Variants in KDM5A observed in about 807,000 individuals in gnomAD.
KDM5A encodes the protein lysine-specific demethylase 5A.
Under a neutral mutation model 193.5 loss-of-function variants are expected in KDM5A, and 42 were observed. That is an observed-to-expected ratio of 0.22 (90% confidence interval 0.17 to 0.28). The LOEUF is 0.28. KDM5A is among the 10% of genes least tolerant of loss of function. The pLI is 1.00. For synonymous variants in KDM5A, 796 were observed against 718.1 expected (o/e 1.11, Z -1.73); for missense variants, 1,692 against 2,055.1 (o/e 0.82, Z 3.42).
chr12:304,687 A>G (rs78676651), intron 24 of KDM5A, among the ~76,000 whole-genome samples: 2,728 of 152,234 alleles, frequency 0.018, 35 homozygotes, highest in South Asian at 0.04. Flanking sequence ...TCTCATATAA[A>G]TTCCTCCACA....
Position 388,948 on chromosome 12 carries a change from G to T in KDM5A, c.144C>A (p.Ile48=). 6.2e-7 allele frequency: 1 copy of T among 1,614,232 alleles called. No individual in the cohort carries two copies. Among genetic ancestry groups the T allele is most frequent in the Non-Finnish European group, 8.5e-7 (1 of 1,180,046 alleles). The part of the protein sequence containing the change: ...RIRPLAEKTG[I]CKIRPPKDWQ... The stretch of plus-strand genomic sequence containing the variant: ...GTACCTTGGGCGGCCGAATTTTGCA[G>T]ATGCCGGTTTTCTCCGCCAAAGGCC... Residue 48 remains isoleucine (I), a synonymous_variant, in exon 1 of 28, where the codon ATC becomes ATA. Transcript: ENST00000399788.
intron 1 of KDM5A, 82 bp from the exon 2 acceptor site, chr12:386,056 G>A: frequency 2.0e-6 from 2 of 1,005,954 alleles, no homozygotes; most frequent in South Asian, 2.6e-5. Context: ...GGGGGGTTTT[G>A]CCACAAATCA....
chr12:386,864 G>GTACC (rs1321155339), intron 1 of KDM5A, among the ~76,000 whole-genome samples: 3 of 151,162 alleles, frequency 2.0e-5, no homozygotes. Context: ...ATGAGGTCAT[G>GTACC]TACCACAAAA....
rs118113475 is a variant in KDM5A at position 388,492 on chromosome 12, C to T, written c.165+435G>A. The stretch of plus-strand genomic sequence containing the variant: ...GTAATACCATCCGGTGAGACTAGAG[C>T]TCAGATAACCTTTTCAGAAACCCTA... On this transcript the variant is annotated intron_variant, in intron 1 of 27. Coordinates refer to ENST00000399788, the MANE Select transcript of KDM5A (RefSeq NM_001042603.3). 552 of 361,092 alleles carry T rather than the reference C, an allele frequency of 1.5e-3. 1 individual carries two copies. The highest frequency in any genetic ancestry group is 2.3e-3 in the Non-Finnish European group (429 of 184,078). 22.4% of individuals were successfully genotyped at this position (361,092 alleles called of 1,614,324 possible).
intron 3 of KDM5A, among the ~76,000 whole-genome samples, chr12:381,619 A>G (rs982983164): frequency 7.9e-5 from 12 of 152,120 alleles, no homozygotes; most frequent in African/African-American, 2.4e-4. Flanking sequence ...CTTTAGTACC[A>G]TAGGTTTTCA....
Position 356,635 on chromosome 12 carries a change from G to A in KDM5A, c.673-98C>T, listed in dbSNP as rs148152396. ...TTTCAGAATCCTCTTCAACACGGAAGAACAAATTATTGGATTTCTTTTCTG... is the reference window on the plus strand; with the variant it reads ...TTTCAGAATCCTCTTCAACACGGAAAAACAAATTATTGGATTTCTTTTCTG... On this transcript the variant is annotated intron_variant, in intron 5 of 27. Coordinates refer to ENST00000399788, the MANE Select transcript of KDM5A (RefSeq NM_001042603.3). 2.4e-5 allele frequency: 18 copies of A among 764,998 alleles called. 1 individual carries two copies. In the African/African-American group the frequency reaches 2.4e-4, roughly 10 times the overall value. 47.4% of individuals were successfully genotyped at this position (764,998 alleles called of 1,614,324 possible). A position where few individuals can be genotyped will look rare whatever the true frequency, so the allele number is the denominator to read the frequency against.
At chr12:286,841 C>T (rs189573665) in intron 27 of KDM5A, among the ~76,000 whole-genome samples, 50 of 152,208 alleles carry the variant, frequency 3.3e-4, no homozygotes, top group African/African-American at 1.1e-3. Flanking sequence ...AAATGATATT[C>T]TACTTGTTTT....
chr12:321,232 A>C (rs967294814), intron 17 of KDM5A, 123 bp from the exon 18 acceptor site: 32 of 730,566 alleles, frequency 4.4e-5, no homozygotes, highest in South Asian at 4.0e-4. Flanking sequence ...TTGAAGGATA[A>C]CACCACAATG....
intron 11 of KDM5A, 127 bp downstream of exon 11, chr12:334,114 A>G (rs1267395563): frequency 1.2e-6 from 1 of 867,768 alleles, no homozygotes. Context: ...GAAATAGGCC[A>G]AGGCTAGAAA....
At chr12:304,464 T>TTC (rs1219049196) in intron 24 of KDM5A, among the ~76,000 whole-genome samples, 6 of 142,572 alleles carry the variant, frequency 4.2e-5, no homozygotes, top group African/African-American at 1.5e-4. Context: ...TTTTTTTTTT[T>TTC]TTCATTCAAA....
intron 10 of KDM5A, among the ~76,000 whole-genome samples, chr12:348,338 T>C (rs938222135): frequency 5.3e-5 from 8 of 152,258 alleles, no homozygotes; most frequent in Admixed American, 5.2e-4. Context: ...TCAACCATTG[T>C]GGAAGTCAGT....
chr12:298,610 C>G (rs1424811174), intron 24 of KDM5A, among the ~76,000 whole-genome samples: 1 of 152,152 alleles, frequency 6.6e-6, no homozygotes, highest in Non-Finnish European at 1.5e-5. Context: ...TACAAAAAGG[C>G]TGAACATTCC....
chr12:329,115 T>C (rs1290324370), intron 13 of KDM5A, 86 bp from the exon 14 acceptor site: 29 of 1,079,952 alleles, frequency 2.7e-5, no homozygotes, highest in South Asian at 1.7e-4. Context: ...TCCTCCCTTT[T>C]ATTAGAAAGA....
chr12:299,822 G>A (rs140702336), intron 24 of KDM5A, among the ~76,000 whole-genome samples: 16 of 152,012 alleles, frequency 1.1e-4, no homozygotes, highest in African/African-American at 3.9e-4. Flanking sequence ...GACGCACATA[G>A]GCTCAAAATA....
chr12:346,060 T>A (rs555639823), intron 10 of KDM5A, among the ~76,000 whole-genome samples: 1 of 151,682 alleles, frequency 6.6e-6, no homozygotes, highest in African/African-American at 2.4e-5. Context: ...ATCAAATAGA[T>A]GCAATAAAAA....
chr12:307,289 C>T lies in KDM5A; in HGVS notation c.3930+165G>A, dbSNP rs892120805. On this transcript the variant is annotated intron_variant, in intron 23 of 27. Transcript: ENST00000399788. The surrounding 1 kb of genome is among the most constrained non-coding windows in gnomAD (Gnocchi z 4.3). ...ATTACCAAGAATATTTCACTAAGTA[C>T]GTATCCAAAAAAAGTGCTATAGTGT... is the stretch of plus-strand genomic sequence containing the variant. 6.6e-6 allele frequency among the ~76,000 whole-genome samples: 1 copy of T among 152,016 alleles called. No homozygotes were observed. The highest frequency in any genetic ancestry group is 1.5e-5 in the Non-Finnish European group (1 of 68,006).
chr12:289,907 C>CTTTTTTTTATTTTTTTTTT (rs1943270109), intron 27 of KDM5A, among the ~76,000 whole-genome samples: 1 of 99,658 alleles, frequency 1.0e-5, no homozygotes, highest in Non-Finnish European at 1.9e-5. Context: ...TTCTTTCTTT[C>CTTTTTTTTATTTTTTTTTT]TTTTTTTTTT....
intron 3 of KDM5A, among the ~76,000 whole-genome samples, chr12:368,666 A>T (rs1359746018): frequency 6.6e-6 from 1 of 152,144 alleles, no homozygotes; most frequent in Non-Finnish European, 1.5e-5. Context: ...CGGGAGGAGG[A>T]GGTTGCAGTG....
At chr12:388,601 C>T (rs925955013) in intron 1 of KDM5A, 1 of 417,720 alleles carries the variant, frequency 2.4e-6, no homozygotes, top group South Asian at 2.1e-5. Flanking sequence ...AATGAGGATA[C>T]GTGAGGGAAG....
Sources: allele counts gnomAD v4.1 joint callset (sites outside exome capture counted in the v4.1 genomes callset), GRCh38; gene constraint gnomAD v4.1.1; non-coding constraint Gnocchi (gnomAD v3.1); transcripts MANE v1.5; gene names NCBI Gene and HGNC (gene_info 2026-07-23, HGNC 2026-07-21).